COL6A6: variants seen among roughly 807,000 people sequenced by gnomAD.
COL6A6 encodes the protein collagen alpha-6(VI) chain.
A neutral mutation model predicts 208.6 loss-of-function variants in COL6A6; 183 were observed. The ratio of observed to expected loss-of-function variants is 0.88; its 90% CI spans 0.78 to 0.99. The LOEUF (loss-of-function observed/expected upper bound fraction) is 0.99. COL6A6 is among the 50% of genes least tolerant of loss of function. The pLI is 0.00. For synonymous variants in COL6A6, 973 were observed against 1,011.8 expected (o/e 0.96, Z 0.73); for missense variants, 2,816 against 2,815.2 (o/e 1.00, Z -0.01).
intron 36 of COL6A6, among the ~76,000 whole-genome samples, chr3:130,672,079 G>T (rs544281259): frequency 6.6e-6 from 1 of 152,240 alleles, no homozygotes; most frequent in South Asian, 2.1e-4. Context: ...AAAGAATTCT[G>T]GAAATAGAAG....
chr3:130,616,743 A>G (rs1163743892), intron 23 of COL6A6, among the ~76,000 whole-genome samples: 1 of 152,138 alleles, frequency 6.6e-6, no homozygotes, highest in African/African-American at 2.4e-5. Context: ...TTGTCTTTAC[A>G]AAGCATAGCA....
Position 130,648,541 on chromosome 3 carries a change from G to A in COL6A6, c.5240-528G>A, listed in dbSNP as rs550042679. 6.6e-5 allele frequency among the ~76,000 whole-genome samples: 10 copies of A among 152,266 alleles called. No individual in the cohort carries two copies. In the East Asian group the frequency reaches 1.9e-3, roughly 29 times the overall value. The stretch of plus-strand genomic sequence containing the variant: ...CATGGCTGGTTAGTGATTGGGCCAG[G>A]GCGCTAAACTCTACCCTGTATTGCC... On this transcript the variant is annotated intron_variant, in intron 32 of 36. Transcript: ENST00000358511.
intron 28 of COL6A6, among the ~76,000 whole-genome samples, chr3:130,637,516 C>T (rs2065193056): frequency 6.6e-6 from 1 of 151,976 alleles, no homozygotes; most frequent in Admixed American, 6.6e-5. Context: ...CTTGCTCTTT[C>T]CACCCACCCA....
rs1247022475 is a variant in COL6A6, at chr3:130,574,313, G to A, written c.3335G>A (p.Gly1112Asp). ...TPQVLLVLTD[G>D]QSQDEVAQAA... ...CAGGTGCTGCTGGTCCTTACAGATGGCCAGTCCCAAGACGAGGTGGCCCAG... is the reference window on the plus strand; with the variant it reads ...CAGGTGCTGCTGGTCCTTACAGATGACCAGTCCCAAGACGAGGTGGCCCAG... Residue 1112 changes from glycine (G) to aspartate (D), a missense_variant, in exon 8 of 37, where the codon GGC becomes GAC. Gly to Asp is a moderately conservative substitution (Grantham distance 94, BLOSUM62 -1). Coordinates refer to ENST00000358511, the MANE Select transcript of COL6A6 (RefSeq NM_001102608.3). 1.4e-5 allele frequency: 23 copies of A among 1,613,864 alleles called. No homozygotes were observed. The highest frequency in any genetic ancestry group is 1.9e-5 in the Non-Finnish European group (23 of 1,179,896).
chr3:130,529,623 C>G (rs2062037537), intron 1 of COL6A6, among the ~76,000 whole-genome samples: 1 of 152,286 alleles, frequency 6.6e-6, no homozygotes, highest in African/African-American at 2.4e-5. Context: ...TGTTTAATTT[C>G]TGCTTCTCCT....
chr3:130,576,986 G>T (rs145180024), intron 8 of COL6A6, among the ~76,000 whole-genome samples: 2 of 152,316 alleles, frequency 1.3e-5, no homozygotes, highest in African/African-American at 4.8e-5. Context: ...TTTCTGGTTT[G>T]TAAATCTAAA....
At chr3:130,580,914 A>G (rs2063402637) in intron 8 of COL6A6, among the ~76,000 whole-genome samples, 1 of 152,142 alleles carries the variant, frequency 6.6e-6, no homozygotes, top group South Asian at 2.1e-4. Flanking sequence ...CATCTTTGAC[A>G]TGGTCGAATG....
intron 20 of COL6A6, 67 bp from the exon 21 acceptor site, chr3:130,606,864 G>A (rs1172323528): frequency 3.2e-6 from 4 of 1,269,532 alleles, no homozygotes; most frequent in Non-Finnish European, 4.5e-6. Flanking sequence ...TGTCCATTAT[G>A]AATTTAAATC....
chr3:130,586,017 C>T (rs1365827117), intron 10 of COL6A6, among the ~76,000 whole-genome samples: 1 of 152,166 alleles, frequency 6.6e-6, no homozygotes, highest in African/African-American at 2.4e-5. Context: ...TGCAGGGGCA[C>T]AATCACAGGT....
At chr3:130,621,516 T>A (rs186067565) in intron 23 of COL6A6, among the ~76,000 whole-genome samples, 4 of 152,312 alleles carry the variant, frequency 2.6e-5, no homozygotes, top group Admixed American at 2.0e-4. Flanking sequence ...TGGAATGGCT[T>A]CTTTAAGTGT....
chr3:130,642,002 A>C (rs6791470), intron 29 of COL6A6, among the ~76,000 whole-genome samples: 11,355 of 152,206 alleles, frequency 0.075, 1,327 homozygotes, highest in African/African-American at 0.25. Context: ...CAATCTTTCT[A>C]TATGTAATAA....
chr3:130,566,751 A>G lies in COL6A6; in HGVS notation c.1332A>G (p.Ser444=). The G allele has an allele frequency of 6.2e-7, 1 of 1,613,936 alleles. No individual in the cohort carries two copies. The highest frequency in any genetic ancestry group is 1.3e-5 in the African/African-American group (1 of 75,050). The change falls in exon 5 of 37, where the codon TCA becomes TCG. Residue 444 remains serine (S), a synonymous_variant. Transcript: ENST00000358511. ...EADIYLLIDG[S]GSTQATDFHE... ...ACATCTATCTGCTTATCGATGGCTC[A>G]GGGAGCACCCAGGCCACAGATTTCC...
intron 1 of COL6A6, among the ~76,000 whole-genome samples, chr3:130,552,014 G>C (rs1230023788): frequency 1.3e-5 from 2 of 152,192 alleles, no homozygotes; most frequent in Admixed American, 1.3e-4. Context: ...CATGGTATGA[G>C]AGTGTGGTTG....
intron 18 of COL6A6, among the ~76,000 whole-genome samples, chr3:130,596,230 C>G (rs942817134): frequency 2.0e-5 from 3 of 152,098 alleles, no homozygotes; most frequent in Admixed American, 2.0e-4. Context: ...AATTTAGAAC[C>G]AAAGAACTAT....
At chr3:130,662,412 C>T (rs2065961550) in intron 35 of COL6A6, 104 bp downstream of exon 35, 1 of 1,113,596 alleles carries the variant, frequency 9.0e-7, no homozygotes, top group Admixed American at 2.3e-5. Flanking sequence ...TCTTGTCTGT[C>T]TTCAAGGGCA....
intron 20 of COL6A6, 58 bp from the exon 21 acceptor site, chr3:130,606,873 T>A: frequency 7.2e-7 from 1 of 1,380,502 alleles, no homozygotes; most frequent in African/African-American, 1.4e-5. Context: ...TGAATTTAAA[T>A]CATATATAAA....
Position 130,664,942 on chromosome 3 carries a change from CA to C in COL6A6, c.6503-60del. 4 of 1,074,196 alleles carry C rather than the reference CA, an allele frequency of 3.7e-6. No individual in the cohort carries two copies. In the South Asian group the frequency reaches 5.4e-5, roughly 15 times the overall value. The allele number at this position is 1,074,196 out of a possible 1,614,324, so 66.5% of individuals were successfully genotyped here. Reference sequence around the variant, plus strand: ...GTAAAGTGGCACTTTGTGTACAGAGCAGATTGCAGTAATGTTAACAGTCATG... The same window carrying C: ...GTAAAGTGGCACTTTGTGTACAGAGCGATTGCAGTAATGTTAACAGTCATG... On this transcript the variant is annotated intron_variant, in intron 35 of 36. Coordinates refer to ENST00000358511, the MANE Select transcript of COL6A6 (RefSeq NM_001102608.3).
At position 130,586,563 on chromosome 3, in the gene COL6A6, C is replaced by T; in HGVS notation, c.4028C>T (p.Ala1343Val). The T allele has an allele frequency of 6.2e-7, 1 of 1,613,860 alleles. No homozygotes were observed. The highest frequency in any genetic ancestry group is 8.5e-7 in the Non-Finnish European group (1 of 1,179,804). Reference protein sequence around the residue: ...LDGPADSSDLADLPYIEFGKG... With the variant: ...LDGPADSSDLVDLPYIEFGKG... ...GGACCTGCTGATTCAAGTGACTTGGCTGATCTTCCCTATATTGAATTTGGG... is the reference window on the plus strand; with the variant it reads ...GGACCTGCTGATTCAAGTGACTTGGTTGATCTTCCCTATATTGAATTTGGG... Residue 1343 changes from alanine to valine, a missense_variant, in exon 11 of 37, where the codon GCT (alanine) becomes GTT (valine). Coordinates refer to ENST00000358511, the MANE Select transcript of COL6A6 (RefSeq NM_001102608.3).
At chr3:130,663,727 C>T (rs1408199231) in intron 35 of COL6A6, among the ~76,000 whole-genome samples, 3 of 151,998 alleles carry the variant, frequency 2.0e-5, no homozygotes, top group East Asian at 1.9e-4. Flanking sequence ...ACCACCCCAC[C>T]CCTCAACTGA....
Sources: gnomAD v4.1 joint callset for allele counts (sites outside exome capture counted in the v4.1 genomes callset) on GRCh38, gnomAD v4.1.1 for gene constraint, MANE v1.5 for transcripts, NCBI Gene and HGNC (gene_info 2026-07-23, HGNC 2026-07-21) for gene names.